AMPH: variants seen among roughly 807,000 people sequenced by gnomAD.
The protein encoded by AMPH is amphiphysin.
In AMPH, 49 loss-of-function variants were observed where a neutral mutation model predicts 99.1. The ratio of observed to expected loss-of-function variants is 0.49; its 90% CI spans 0.39 to 0.63. AMPH has a LOEUF of 0.63. AMPH is among the 20% of genes least tolerant of loss of function. The pLI is 0.00. For synonymous variants in AMPH, 314 were observed against 317.3 expected (o/e 0.99, Z 0.11); for missense variants, 759 against 863.4 (o/e 0.88, Z 1.52).
intron 7 of AMPH, among the ~76,000 whole-genome samples, chr7:38,468,859 T>C (rs1179831768): frequency 6.6e-6 from 1 of 151,868 alleles, no homozygotes; most frequent in African/African-American, 2.4e-5. Context: ...TAACCAGCAG[T>C]AGAACATACA....
chr7:38,550,512 T>C (rs1265392177), intron 1 of AMPH, among the ~76,000 whole-genome samples: 1 of 152,232 alleles, frequency 6.6e-6, no homozygotes, highest in East Asian at 1.9e-4. Context: ...AATACATGCA[T>C]GATCTCTGTT....
At chr7:38,618,490 T>C (rs140120102) in intron 1 of AMPH, among the ~76,000 whole-genome samples, 5 of 151,874 alleles carry the variant, frequency 3.3e-5, no homozygotes, top group African/African-American at 1.2e-4. Context: ...CTAGCCTGGG[T>C]GACAGAGTGA....
intron 11 of AMPH, among the ~76,000 whole-genome samples, chr7:38,447,523 T>G (rs764749311): frequency 6.6e-6 from 1 of 152,158 alleles, no homozygotes; most frequent in Non-Finnish European, 1.5e-5. Context: ...AATATATAAC[T>G]ATAGCCATAA....
At chr7:38,624,235 T>C (rs888580655) in intron 1 of AMPH, among the ~76,000 whole-genome samples, 1 of 152,092 alleles carries the variant, frequency 6.6e-6, no homozygotes, top group Non-Finnish European at 1.5e-5. Flanking sequence ...GTACCTACAA[T>C]TTAGTTTGGA....
intron 2 of AMPH, among the ~76,000 whole-genome samples, chr7:38,505,378 G>A (rs532681861): frequency 2.6e-5 from 4 of 152,184 alleles, no homozygotes; most frequent in Admixed American, 6.5e-5. Flanking sequence ...CTATAAACCC[G>A]GTTACTACCA....
chr7:38,436,341 G>A lies in AMPH; in HGVS notation c.1065C>T (p.Asp355=). ...VKKEETLLDL[D]FDPFKPEVTP... is the part of the protein sequence containing the mutation. ...TCACCTCGGGCTTGAAAGGATCAAAGTCCAGATCCAGCAAAGTCTCCTCTT... is the reference window on the plus strand; with the variant it reads ...TCACCTCGGGCTTGAAAGGATCAAAATCCAGATCCAGCAAAGTCTCCTCTT... Residue 355 remains aspartate, a synonymous_variant, in exon 12 of 21, where the codon GAC becomes GAT. Coordinates refer to ENST00000356264, the MANE Select transcript of AMPH (RefSeq NM_001635.4). 1 of 1,614,120 alleles carries A rather than the reference G, an allele frequency of 6.2e-7. No individual in the cohort carries two copies. The highest frequency in any genetic ancestry group is 8.5e-7 in the Non-Finnish European group (1 of 1,180,006).
intron 7 of AMPH, among the ~76,000 whole-genome samples, chr7:38,466,596 G>A (rs1436654774): frequency 6.6e-6 from 1 of 151,780 alleles, no homozygotes; most frequent in Non-Finnish European, 1.5e-5. Flanking sequence ...TGAGTTTCTA[G>A]GTGATAACTG....
intron 3 of AMPH, among the ~76,000 whole-genome samples, chr7:38,496,901 G>A (rs1488148416): frequency 6.6e-6 from 1 of 152,090 alleles, no homozygotes; most frequent in African/African-American, 2.4e-5. Flanking sequence ...TGGCACTGTA[G>A]ACCAAATAAT....
chr7:38,527,873 G>A (rs569158710), intron 2 of AMPH, among the ~76,000 whole-genome samples: 2 of 152,210 alleles, frequency 1.3e-5, no homozygotes, highest in East Asian at 1.9e-4. Flanking sequence ...TTAACTGTAC[G>A]TTAGGTTTCT....
At chr7:38,582,330 A>C (rs969746925) in intron 1 of AMPH, among the ~76,000 whole-genome samples, 6 of 152,196 alleles carry the variant, frequency 3.9e-5, no homozygotes, top group Non-Finnish European at 7.4e-5. Flanking sequence ...CAGCAGTTTA[A>C]GTGCCATGGT....
chr7:38,616,070 T>A (rs1793861160), intron 1 of AMPH, among the ~76,000 whole-genome samples: 2 of 152,068 alleles, frequency 1.3e-5, no homozygotes, highest in South Asian at 4.2e-4. Context: ...CCAAAGAACC[T>A]CTGACACCAC....
At chr7:38,592,952 G>T (rs1221627591) in intron 1 of AMPH, among the ~76,000 whole-genome samples, 1 of 152,156 alleles carries the variant, frequency 6.6e-6, no homozygotes, top group African/African-American at 2.4e-5. Flanking sequence ...CTCTGTTATT[G>T]TACTGACACA....
At chr7:38,413,503 T>C (rs1785272915) in intron 17 of AMPH, among the ~76,000 whole-genome samples, 1 of 152,204 alleles carries the variant, frequency 6.6e-6, no homozygotes, top group Non-Finnish European at 1.5e-5. Context: ...TTGATGGGCA[T>C]GGATTATGCA....
chr7:38,400,690 T>A (rs1784816893), intron 17 of AMPH, among the ~76,000 whole-genome samples: 1 of 152,200 alleles, frequency 6.6e-6, no homozygotes, highest in Admixed American at 6.5e-5. Context: ...GTCTCTGAGG[T>A]TTATGTCATG....
intron 3 of AMPH, among the ~76,000 whole-genome samples, chr7:38,503,434 A>G (rs1292332988): frequency 1.4e-5 from 2 of 144,730 alleles, no homozygotes; most frequent in African/African-American, 2.5e-5. Context: ...AGTTTCCAGC[A>G]TAAGGGCACA....
At chr7:38,431,953 T>G (rs1786046310) in intron 13 of AMPH, 3 of 576,592 alleles carry the variant, frequency 5.2e-6, no homozygotes, top group Non-Finnish European at 9.5e-6. Context: ...TGACCATTAT[T>G]CAAATTATTG....
intron 11 of AMPH, among the ~76,000 whole-genome samples, chr7:38,452,029 C>T (rs1787057136): frequency 1.3e-5 from 2 of 152,130 alleles, no homozygotes; most frequent in South Asian, 4.1e-4. Flanking sequence ...CATTAGAGGG[C>T]TCTCCAGATC....
chr7:38,527,025 CT>C (rs1260878788), intron 2 of AMPH, among the ~76,000 whole-genome samples: 2 of 152,188 alleles, frequency 1.3e-5, no homozygotes, highest in Non-Finnish European at 2.9e-5. Context: ...GGTTATCTTT[CT>C]TCCACTGAAT....
intron 1 of AMPH, among the ~76,000 whole-genome samples, chr7:38,559,377 A>T (rs868112159): frequency 1.1e-4 from 17 of 152,230 alleles, no homozygotes; most frequent in African/African-American, 4.1e-4. Context: ...AGAACAACAG[A>T]CAGTGGTTTC....
Sources: allele counts gnomAD v4.1 joint callset (sites outside exome capture counted in the v4.1 genomes callset), GRCh38; gene constraint gnomAD v4.1.1; transcripts MANE v1.5; gene names NCBI Gene and HGNC (gene_info 2026-07-23, HGNC 2026-07-21).